IQCH: variants seen among roughly 807,000 people sequenced by gnomAD.
The protein encoded by IQCH is IQ motif containing H, also known as IQ domain-containing protein H.
A neutral mutation model predicts 117.0 loss-of-function variants in IQCH; 98 were observed. The ratio of observed to expected loss-of-function variants is 0.84; its 90% CI spans 0.71 to 0.99. The LOEUF (loss-of-function observed/expected upper bound fraction) is 0.99. Among genes scored for constraint, IQCH ranks in the 50% least tolerant of loss-of-function variants. The pLI, the probability that IQCH is intolerant of heterozygous loss-of-function variation, is 0.00. For missense variants in IQCH, 1,102 were observed against 1,243.8 expected (o/e 0.89, Z 1.72); for synonymous variants, 412 against 448.2 (o/e 0.92, Z 1.02).
intron 3 of IQCH, among the ~76,000 whole-genome samples, chr15:67,274,833 T>C (rs1966055001): frequency 6.6e-6 from 1 of 152,166 alleles, no homozygotes; most frequent in Non-Finnish European, 1.5e-5. Flanking sequence ...TTTGAATATC[T>C]TTTTTTCCCC....
chr15:67,333,840 T>G (rs1280161384), intron 4 of IQCH, among the ~76,000 whole-genome samples: 1 of 152,144 alleles, frequency 6.6e-6, no homozygotes, highest in Non-Finnish European at 1.5e-5. Context: ...TAGGATGGCT[T>G]GAGCTCAGGA....
chr15:67,494,193 G>A lies in IQCH; in HGVS notation c.2862-65G>A. Reference sequence around the variant, plus strand: ...TCACCAGACAGGCACAAATGAGAGGGCGATTGTTTTTAAGCATGTGAAGGG... The same window carrying A: ...TCACCAGACAGGCACAAATGAGAGGACGATTGTTTTTAAGCATGTGAAGGG... On this transcript the variant is annotated intron_variant, in intron 19 of 20. Coordinates refer to ENST00000335894, the MANE Select transcript of IQCH (RefSeq NM_001031715.3). The surrounding 1 kb of genome is among the most constrained non-coding windows in gnomAD (Gnocchi z 5.5). 1 of 1,122,032 alleles carries A rather than the reference G, an allele frequency of 8.9e-7. No homozygotes were observed. The highest frequency in any genetic ancestry group is 1.7e-5 in the South Asian group (1 of 58,560). 69.5% of individuals were successfully genotyped at this position (1,122,032 alleles called of 1,614,324 possible). A position where few individuals can be genotyped will look rare whatever the true frequency, so the allele number is the denominator to read the frequency against.
At chr15:67,310,199 G>A (rs1463436799) in intron 4 of IQCH, among the ~76,000 whole-genome samples, 2 of 151,982 alleles carry the variant, frequency 1.3e-5, no homozygotes, top group African/African-American at 4.8e-5. Context: ...AAATATTTAA[G>A]CATTTTAAGT....
At chr15:67,482,956 T>C (rs1436676669) in intron 18 of IQCH, among the ~76,000 whole-genome samples, 2 of 152,152 alleles carry the variant, frequency 1.3e-5, no homozygotes, top group Non-Finnish European at 2.9e-5. Flanking sequence ...CTCTCACATA[T>C]AAAATAAAAT....
rs1453274351 is a variant in IQCH at position 67,417,500 on chromosome 15, A to C, written c.2218+449A>C. On this transcript the variant is annotated intron_variant, in intron 15 of 20. Transcript: ENST00000335894. This position sits in a 1 kb window ranked among gnomAD's most constrained non-coding sequence, Gnocchi z 4.3. The stretch of plus-strand genomic sequence containing the variant: ...CACAAAATCATCTTTAATAAGTGTT[A>C]GTTTCTCCTTCTGTTTTCTAGGAGA... Among the ~76,000 whole-genome samples the C allele has an allele frequency of 6.6e-6, 1 of 152,212 alleles. No individual in the cohort carries two copies. The highest frequency in any genetic ancestry group is 1.5e-5 in the Non-Finnish European group (1 of 68,034).
chr15:67,261,166 T>C, intron 1 of IQCH, 106 bp from the exon 2 acceptor site: 4 of 721,890 alleles, frequency 5.5e-6, no homozygotes, highest in Non-Finnish European at 8.6e-6. Context: ...AAATCAGCTT[T>C]GTGTCTCTAC....
chr15:67,321,445 T>G (rs1305918220), intron 4 of IQCH, among the ~76,000 whole-genome samples: 1 of 151,256 alleles, frequency 6.6e-6, no homozygotes, highest in Non-Finnish European at 1.5e-5. Context: ...TTTTCTTTTC[T>G]TTCTTTCCTT....
At chr15:67,419,884 A>C (rs1206660863) in intron 15 of IQCH, among the ~76,000 whole-genome samples, 2 of 152,242 alleles carry the variant, frequency 1.3e-5, no homozygotes, top group Non-Finnish European at 2.9e-5. Flanking sequence ...ACTTTGAAAT[A>C]AAATACCCAA....
intron 6 of IQCH, among the ~76,000 whole-genome samples, chr15:67,355,294 T>C (rs982551033): frequency 6.6e-6 from 1 of 152,036 alleles, no homozygotes; most frequent in African/African-American, 2.4e-5. Flanking sequence ...GCTCTAAAAT[T>C]AGTAATAACT....
chr15:67,392,670 G>A (rs991000997), intron 12 of IQCH, among the ~76,000 whole-genome samples: 4 of 151,764 alleles, frequency 2.6e-5, no homozygotes, highest in Admixed American at 6.6e-5. Flanking sequence ...CCAGCTGCTT[G>A]AGGGGCTAAG....
intron 4 of IQCH, among the ~76,000 whole-genome samples, chr15:67,299,342 A>G (rs1428414179): frequency 6.6e-6 from 1 of 152,116 alleles, no homozygotes; most frequent in African/African-American, 2.4e-5. Flanking sequence ...AATAGAATGA[A>G]TAAGATCTAG....
intron 4 of IQCH, among the ~76,000 whole-genome samples, chr15:67,286,254 A>T (rs1042594059): frequency 6.6e-6 from 1 of 152,310 alleles, no homozygotes; most frequent in Non-Finnish European, 1.5e-5. Flanking sequence ...GCTTATAGAA[A>T]TGCTACTGAT....
At chr15:67,469,612 C>A (rs1486537115) in intron 17 of IQCH, among the ~76,000 whole-genome samples, 2 of 152,208 alleles carry the variant, frequency 1.3e-5, no homozygotes, top group East Asian at 3.8e-4. Flanking sequence ...CAGATACTTA[C>A]CCAATGCCTA....
At chr15:67,341,558 G>A (rs915956400) in intron 5 of IQCH, among the ~76,000 whole-genome samples, 9 of 152,256 alleles carry the variant, frequency 5.9e-5, no homozygotes, top group Non-Finnish European at 1.2e-4. Flanking sequence ...TCATGCCTGG[G>A]CTTGGCTTCC....
chr15:67,480,057 G>A (rs763307424), intron 18 of IQCH, among the ~76,000 whole-genome samples: 44 of 152,152 alleles, frequency 2.9e-4, no homozygotes, highest in Non-Finnish European at 5.4e-4. Flanking sequence ...GGAGAAAGGC[G>A]TCATGTTTAC....
At position 67,463,183 on chromosome 15, in the gene IQCH, C is replaced by G. The variant is rs1375917528; in HGVS notation, c.2506-1944C>G. ...TATTTTAACACACAGAGTTGGTGAGCGGGGTAAATACAGGCCTTCTAGGAG... is the reference window on the plus strand; with the variant it reads ...TATTTTAACACACAGAGTTGGTGAGGGGGGTAAATACAGGCCTTCTAGGAG... On this transcript the variant is annotated intron_variant, in intron 16 of 20. Transcript: ENST00000335894. This position sits in a 1 kb window ranked among gnomAD's most constrained non-coding sequence, Gnocchi z 4.0. Among the ~76,000 whole-genome samples, 1 of 152,020 alleles carries G rather than the reference C, an allele frequency of 6.6e-6. No individual in the cohort carries two copies. The highest frequency in any genetic ancestry group is 6.6e-5 in the Admixed American group (1 of 15,264).
rs1358469460 is a variant in IQCH at position 67,334,310 on chromosome 15, C to T, written c.388-2665C>T. Among the ~76,000 whole-genome samples the T allele has an allele frequency of 3.3e-5, 5 of 152,122 alleles. No individual in the cohort carries two copies. The East Asian group carries it at 9.6e-4, about 29-fold the overall frequency. ...TCAGGCGATCAGCACATTCATAAAG[C>T]TGGTTTCTTTAATTTGCATCAGTCT... On this transcript the variant is annotated intron_variant, in intron 4 of 20. Transcript: ENST00000335894.
Position 67,395,469 on chromosome 15 carries a change from A to G in IQCH, c.1811A>G (p.His604Arg). The G allele has an allele frequency of 6.2e-7, 1 of 1,613,990 alleles. No individual in the cohort carries two copies. The change falls in exon 13 of 21, where the codon CAT (histidine) becomes CGT (arginine). Residue 604 changes from histidine (H) to arginine (R), a missense_variant. Around this residue, in one of 2 missense-constraint regions of IQCH, gnomAD observed 650 missense variants for 794.3 expected, o/e 0.82. Transcript: ENST00000335894. The surrounding 1 kb of genome is among the most constrained non-coding windows in gnomAD (Gnocchi z 4.0). ...PILGSEPELA[H>R]LYSTKSGGKR... ...CTGGGCTCTGAGCCTGAACTAGCTC[A>G]TCTTTATAGTACCAAATCTGGAGGC...
intron 13 of IQCH, among the ~76,000 whole-genome samples, chr15:67,396,535 A>G (rs4776358): frequency 1 from 152,077 of 152,346 alleles, 75,904 homozygotes; most frequent in Middle Eastern, 1. Flanking sequence ...GCCCTGGCAG[A>G]TGTTCTCCCA....
Sources: allele counts gnomAD v4.1 joint callset (sites outside exome capture counted in the v4.1 genomes callset), GRCh38; gene constraint gnomAD v4.1.1; regional missense constraint gnomAD v4.1.1; non-coding constraint Gnocchi (gnomAD v3.1); transcripts MANE v1.5; gene names NCBI Gene and HGNC (gene_info 2026-07-23, HGNC 2026-07-21).